USP20: variants seen among roughly 807,000 people sequenced by gnomAD.
The protein encoded by USP20 is ubiquitin specific peptidase 20.
Under a neutral mutation model 124.2 loss-of-function variants are expected in USP20, and 80 were observed. The ratio of observed to expected loss-of-function variants is 0.64; its 90% CI spans 0.54 to 0.78. The LOEUF (loss-of-function observed/expected upper bound fraction) is 0.78, where lower values mean the gene tolerates loss of function less well. Among genes scored for constraint, USP20 ranks in the 30% least tolerant of loss-of-function variants. The pLI is 0.00. For missense variants in USP20, 1,043 were observed against 1,244.4 expected, an observed-to-expected ratio of 0.84 and a Z score of 2.44; for synonymous variants, 481 against 512.3, an observed-to-expected ratio of 0.94 and a Z score of 0.83.
intron 7 of USP20, 83 bp from the exon 8 acceptor site, chr9:129,861,460 C>T: frequency 2.3e-6 from 3 of 1,323,426 alleles, no homozygotes; most frequent in East Asian, 2.3e-5. Context: ...GAGAGCCACA[C>T]CTTTGTGCCA....
At position 129,868,989 on chromosome 9, in the gene USP20, C is replaced by T. The variant is rs531930170; in HGVS notation, c.1263C>T (p.Tyr421=). ...GCCCCGTGAGGATGGCACCGTCGTA[C>T]GTGCTCAAGAAAGGTTCGGGGGGCA... is the stretch of plus-strand genomic sequence containing the variant. ...RASPVRMAPS[Y]VLKKAQVLSA... The change falls in exon 12 of 26, where the codon TAC becomes TAT. Residue 421 remains tyrosine (Y), a synonymous_variant. Coordinates refer to ENST00000372429, the MANE Select transcript of USP20 (RefSeq NM_001110303.4). The T allele has an allele frequency of 3.7e-5, 60 of 1,610,110 alleles. 1 individual carries two copies. In the East Asian group the frequency reaches 4.0e-4, roughly 11 times the overall value.
At chr9:129,854,888 GGT>G (rs1351810013) in intron 3 of USP20, among the ~76,000 whole-genome samples, 1 of 152,104 alleles carries the variant, frequency 6.6e-6, no homozygotes, top group East Asian at 1.9e-4. Context: ...CTGGAATCTG[GGT>G]GTAGTGACAA....
chr9:129,845,454 AAAAAGAAAG>A (rs1289500920), intron 1 of USP20, among the ~76,000 whole-genome samples: 1 of 152,160 alleles, frequency 6.6e-6, no homozygotes, highest in African/African-American at 2.4e-5. Flanking sequence ...CAGGCAAAAG[AAAAAGAAAG>A]AAAGGAAAAC....
chr9:129,863,341 T>G, intron 9 of USP20, 42 bp downstream of exon 9: 1 of 1,464,370 alleles, frequency 6.8e-7, no homozygotes, highest in Non-Finnish European at 9.3e-7. Context: ...GTGTGGGGAC[T>G]GGGGTTTCCT....
intron 6 of USP20, among the ~76,000 whole-genome samples, chr9:129,860,395 A>G (rs2033479636): frequency 6.6e-6 from 1 of 152,062 alleles, no homozygotes; most frequent in Non-Finnish European, 1.5e-5. Flanking sequence ...CTCTCAGGAA[A>G]ATGGGGTTGC....
intron 10 of USP20, 131 bp downstream of exon 10, chr9:129,865,512 TCACTCCTAAGCC>T: frequency 2.2e-6 from 2 of 909,788 alleles, no homozygotes; most frequent in Non-Finnish European, 3.5e-6. Context: ...GACCAGGCTC[TCACTCCTAAGCC>T]CTTCACACGT....
chr9:129,864,898 T>C (rs1194167829), intron 9 of USP20, among the ~76,000 whole-genome samples: 1 of 152,150 alleles, frequency 6.6e-6, no homozygotes, highest in Non-Finnish European at 1.5e-5. Flanking sequence ...ACCAGAAATC[T>C]AATGGTAAGT....
intron 23 of USP20, 38 bp downstream of exon 23, chr9:129,878,478 G>T: frequency 6.6e-7 from 1 of 1,522,770 alleles, no homozygotes; most frequent in Non-Finnish European, 8.9e-7. Context: ...CCTGCCCTGG[G>T]GGCCTCCTGG....
At position 129,852,249 on chromosome 9, in the gene USP20, A is replaced by C. The variant is rs540198507; in HGVS notation, c.-16-291A>C. Among the ~76,000 whole-genome samples, 13 of 151,808 alleles carry C rather than the reference A, an allele frequency of 8.6e-5. No individual in the cohort carries two copies. In the South Asian group the frequency reaches 2.1e-3, roughly 24 times the overall value. On this transcript the variant is annotated intron_variant, in intron 2 of 25. Coordinates refer to ENST00000372429, the MANE Select transcript of USP20 (RefSeq NM_001110303.4). ...GGACTCCCATGTCTTCCCTACCAAT[A>C]ATTCTGATCACTACACCTGTCACCT...
At chr9:129,872,047 A>C (rs965005953) in intron 15 of USP20, among the ~76,000 whole-genome samples, 3 of 152,088 alleles carry the variant, frequency 2.0e-5, no homozygotes, top group Non-Finnish European at 4.4e-5. Flanking sequence ...TTTCCTAATG[A>C]TAGTGATGTT....
Position 129,868,920 on chromosome 9 carries a change from C to G in USP20, c.1194C>G (p.His398Gln). The change falls in exon 12 of 26, where the codon CAC becomes CAG. Residue 398 changes from histidine to glutamine, a missense_variant. By Grantham distance (24) the His-to-Gln change is conservative. Transcript: ENST00000372429. The stretch of plus-strand genomic sequence containing the variant: ...CTCGCCCCTGCAGCCCCGTCCACCA[C>G]CACGAGGGCCATGCCAAGCTGTCTA... ...SSSRPCSPVH[H>Q]HEGHAKLSSS... is the part of the protein sequence containing the mutation. 1 of 1,612,344 alleles carries G rather than the reference C, an allele frequency of 6.2e-7. No homozygotes were observed. The highest frequency in any genetic ancestry group is 1.7e-5 in the Admixed American group (1 of 59,858).
chr9:129,861,081 C>A (rs925620742), intron 7 of USP20, 48 bp downstream of exon 7: 1 of 1,567,272 alleles, frequency 6.4e-7, no homozygotes, highest in African/African-American at 1.4e-5. Context: ...GCTGGGGGCC[C>A]TCATCTGGAG....
At position 129,880,261 on chromosome 9, in the gene USP20, G is replaced by T. The variant is rs751016115; in HGVS notation, c.2733G>T (p.Thr911=). 5.6e-6 allele frequency: 9 copies of T among 1,600,264 alleles called. No homozygotes were observed. Among genetic ancestry groups the T allele is most frequent in the African/African-American group, 1.3e-5 (1 of 74,762 alleles). The change falls in exon 25 of 26, where the codon ACG becomes ACT. Residue 911 remains threonine, a synonymous_variant. Coordinates refer to ENST00000372429, the MANE Select transcript of USP20 (RefSeq NM_001110303.4). ...LHGEQKIEAE[T]RAV is the part of the protein sequence containing the mutation. ...GGGAGCAGAAGATCGAAGCCGAGACGCGGGCCGTGTGATCTGCTGGGCTAG... is the reference window on the plus strand; with the variant it reads ...GGGAGCAGAAGATCGAAGCCGAGACTCGGGCCGTGTGATCTGCTGGGCTAG...
rs926397529 is a variant in USP20 at position 129,879,100 on chromosome 9, C to A, written c.2513-473C>A. 6.6e-6 allele frequency among the ~76,000 whole-genome samples: 1 copy of A among 152,182 alleles called. No homozygotes were observed. The highest frequency in any genetic ancestry group is 2.4e-5 in the African/African-American group (1 of 41,446). ...GAGGCCTCTCTGGTGGTGGCTGAGG[C>A]CTTCAGCATGGCTGTGGTTGAGAAT... is the stretch of plus-strand genomic sequence containing the variant. On this transcript the variant is annotated intron_variant, in intron 23 of 25. Coordinates refer to ENST00000372429, the MANE Select transcript of USP20 (RefSeq NM_001110303.4). The surrounding 1 kb of genome is among the most constrained non-coding windows in gnomAD (Gnocchi z 4.2).
At chr9:129,861,725 C>G (rs2033561085) in intron 8 of USP20, 113 bp downstream of exon 8, 1 of 915,720 alleles carries the variant, frequency 1.1e-6, no homozygotes, top group Non-Finnish European at 1.7e-6. Flanking sequence ...GGATGCACAG[C>G]AAAATGCCTG....
chr9:129,846,254 T>A (rs1335876886), intron 1 of USP20, among the ~76,000 whole-genome samples: 216 of 116,962 alleles, frequency 1.8e-3, no homozygotes, highest in African/African-American at 6.6e-3. Context: ...TATATTTTTT[T>A]TTTTTTTTTT....
At chr9:129,858,182 T>C in intron 5 of USP20, 70 bp downstream of exon 5, 1 of 1,503,954 alleles carries the variant, frequency 6.6e-7, no homozygotes, top group Non-Finnish European at 9.2e-7. Context: ...AGCTCCACCT[T>C]CCCACTCTGG....
chr9:129,841,724 G>A (rs987616526), intron 1 of USP20, among the ~76,000 whole-genome samples: 2 of 152,176 alleles, frequency 1.3e-5, no homozygotes, highest in African/African-American at 4.8e-5. Context: ...GCTGTTGAAG[G>A]GTTTGCTCTA....
intron 1 of USP20, among the ~76,000 whole-genome samples, chr9:129,847,482 T>C (rs2032648555): frequency 6.6e-6 from 1 of 151,962 alleles, no homozygotes; most frequent in Non-Finnish European, 1.5e-5. Context: ...TTTGTATTTT[T>C]AGTTGAGACA....
Sources: allele counts gnomAD v4.1 joint callset (sites outside exome capture counted in the v4.1 genomes callset), GRCh38; gene constraint gnomAD v4.1.1; non-coding constraint Gnocchi (gnomAD v3.1); transcripts MANE v1.5; gene names NCBI Gene and HGNC (gene_info 2026-07-23, HGNC 2026-07-21).